The following BAIAP2 variants were observed in gnomAD, a reference collection of about 807,000 sequenced individuals.
The protein encoded by BAIAP2 is BAR/IMD domain-containing adapter protein 2.
A neutral mutation model predicts 63.0 loss-of-function variants in BAIAP2; 18 were observed. The observed-to-expected ratio is 0.29, with a 90% confidence interval of 0.20 to 0.42. The LOEUF (loss-of-function observed/expected upper bound fraction) is 0.42, where lower values mean the gene tolerates loss of function less well. Among genes scored for constraint, BAIAP2 ranks in the 10% least tolerant of loss-of-function variants. BAIAP2 has a pLI of 1.00. For synonymous variants in BAIAP2, 386 were observed against 307.6 expected, an observed-to-expected ratio of 1.25 and a Z score of -2.67; for missense variants, 610 against 734.3, an observed-to-expected ratio of 0.83 and a Z score of 1.96.
chr17:81,048,416 G>A lies in BAIAP2; in HGVS notation c.55-5252G>A, dbSNP rs74532489. ...GCAGACGGAAGGTGGACCCCAGCAC[G>A]GCCCAGGAGTGGGCAGGAGAGCAAA... On this transcript the variant is annotated intron_variant, in intron 1 of 13. Transcript: ENST00000428708. Among the ~76,000 whole-genome samples the A allele has an allele frequency of 2.3e-3, 342 of 150,650 alleles. 1 individual carries two copies. The highest frequency in any genetic ancestry group is 7.7e-3 in the African/African-American group (316 of 41,094).
At chr17:81,111,368 T>TTGGGGCTGACAGCCTTG (rs1158120447) in intron 13 of BAIAP2, among the ~76,000 whole-genome samples, 32 of 152,326 alleles carry the variant, frequency 2.1e-4, no homozygotes, top group Admixed American at 2.6e-4. Flanking sequence ...GTGTGTGCCT[T>TTGGGGCTGACAGCCTTG]TGGGGCTGAC....
chr17:81,079,269 G>A (rs926710461), intron 3 of BAIAP2, among the ~76,000 whole-genome samples: 15 of 152,302 alleles, frequency 9.8e-5, no homozygotes, highest in Middle Eastern at 3.4e-3. Flanking sequence ...GTCCACAGGA[G>A]GCTGGGCTCC....
chr17:81,058,535 C>A (rs2050011752), intron 3 of BAIAP2, among the ~76,000 whole-genome samples: 1 of 152,206 alleles, frequency 6.6e-6, no homozygotes, highest in Non-Finnish European at 1.5e-5. Flanking sequence ...AGACGGAGTC[C>A]ATGCTTCCAC....
intron 1 of BAIAP2, among the ~76,000 whole-genome samples, chr17:81,052,836 T>G (rs879858353): frequency 1.3e-5 from 2 of 152,160 alleles, no homozygotes; most frequent in Admixed American, 6.5e-5. Context: ...GCTGGGCGGC[T>G]TCCCTTCCTG....
In BAIAP2 at chr17:81,052,750, C is replaced by T. The variant is rs540912341; in HGVS notation, c.55-918C>T. Among the ~76,000 whole-genome samples the T allele has an allele frequency of 8.9e-4, 135 of 152,304 alleles. 1 individual carries two copies. In the Middle Eastern group the frequency reaches 0.02, roughly 23 times the overall value. On this transcript the variant is annotated intron_variant, in intron 1 of 13. Coordinates refer to ENST00000428708, the MANE Select transcript of BAIAP2 (RefSeq NM_001144888.2). ...GGGGGTGGGGGATGCAGTTGCCCTTCCCTCCCCACTCTCTAGCCCACAGGT... is the reference window on the plus strand; with the variant it reads ...GGGGGTGGGGGATGCAGTTGCCCTTTCCTCCCCACTCTCTAGCCCACAGGT...
chr17:81,068,250 T>C (rs1351433505), intron 3 of BAIAP2, among the ~76,000 whole-genome samples: 1 of 152,152 alleles, frequency 6.6e-6, no homozygotes. Flanking sequence ...TGAGAAACTC[T>C]CTCCCAGGAG....
chr17:81,110,764 C>A (rs1598847360), intron 13 of BAIAP2: 1 of 1,243,556 alleles, frequency 8.0e-7, no homozygotes. Flanking sequence ...AGGCGCCGTC[C>A]AGGGAGAGCC....
rs1230578623 is a variant in BAIAP2 at position 81,035,284 on chromosome 17, C to G, written c.30C>G (p.His10Gln). The G allele has an allele frequency of 1.3e-6, 2 of 1,515,794 alleles. No individual in the cohort carries two copies. The highest frequency in any genetic ancestry group is 3.9e-5 in the Admixed American group (2 of 51,430). 93.9% of individuals were successfully genotyped at this position (1,515,794 alleles called of 1,614,324 possible). A position where few individuals can be genotyped will look rare whatever the true frequency, so the allele number is the denominator to read the frequency against. MSLSRSEEM[H>Q]RLTENVYKTI... ...CTCTGTCTCGCTCAGAGGAGATGCA[C>G]CGGCTCACGGAAAATGTCTATAAGG... The change falls in exon 1 of 14, where the codon CAC (histidine) becomes CAG (glutamine). Residue 10 changes from histidine to glutamine, a missense_variant. Transcript: ENST00000428708.
At chr17:81,044,641 G>C (rs1050869753) in intron 1 of BAIAP2, among the ~76,000 whole-genome samples, 1 of 152,246 alleles carries the variant, frequency 6.6e-6, no homozygotes, top group Non-Finnish European at 1.5e-5. Flanking sequence ...CCGTGACGGA[G>C]TGCAGTAGCT....
At chr17:81,084,948 T>C in intron 4 of BAIAP2, 55 bp downstream of exon 4, 2 of 1,563,144 alleles carry the variant, frequency 1.3e-6, no homozygotes, top group Non-Finnish European at 1.8e-6. Context: ...ACGGGAGAGC[T>C]GGCGCCACAC....
chr17:81,111,188 G>A (rs1463591563), intron 13 of BAIAP2, among the ~76,000 whole-genome samples: 2 of 152,214 alleles, frequency 1.3e-5, no homozygotes, highest in African/African-American at 4.8e-5. Flanking sequence ...CTGGCTGGCT[G>A]TGCCCGGGGC....
At chr17:81,100,908 T>A (rs1254232457) in intron 7 of BAIAP2, among the ~76,000 whole-genome samples, 1 of 152,146 alleles carries the variant, frequency 6.6e-6, no homozygotes, top group Non-Finnish European at 1.5e-5. Context: ...CCTGAGCCAC[T>A]GTGGTCCCAG....
intron 1 of BAIAP2, among the ~76,000 whole-genome samples, chr17:81,039,351 C>T (rs544029133): frequency 6.6e-5 from 10 of 152,356 alleles, no homozygotes; most frequent in African/African-American, 1.4e-4. Flanking sequence ...GCTTGCTCAG[C>T]GTCCCATGCC....
rs530881275 is a variant in BAIAP2 at position 81,044,708 on chromosome 17, G to A, written c.55-8960G>A. Among the ~76,000 whole-genome samples, 6 of 152,340 alleles carry A rather than the reference G, an allele frequency of 3.9e-5. No individual in the cohort carries two copies. In the East Asian group the frequency reaches 1.2e-3, roughly 29 times the overall value. ...GAGGTGACCACCTGTCTGTCTTCAG[G>A]CTGATTGTATTACGAGCCTATGATG... On this transcript the variant is annotated intron_variant, in intron 1 of 13. Coordinates refer to ENST00000428708, the MANE Select transcript of BAIAP2 (RefSeq NM_001144888.2).
chr17:81,115,531 G>A (rs1424657647), intron 13 of BAIAP2, among the ~76,000 whole-genome samples: 2 of 152,168 alleles, frequency 1.3e-5, no homozygotes, highest in African/African-American at 4.8e-5. Flanking sequence ...ATGGATCGGG[G>A]TGGGGGCACC....
intron 7 of BAIAP2, among the ~76,000 whole-genome samples, chr17:81,103,053 G>C (rs2058704647): frequency 1.3e-5 from 2 of 152,218 alleles, no homozygotes. Flanking sequence ...TTGGAGCAGT[G>C]AGCCTCAGTG....
chr17:81,039,589 A>G (rs888364629), intron 1 of BAIAP2, among the ~76,000 whole-genome samples: 1 of 152,140 alleles, frequency 6.6e-6, no homozygotes, highest in African/African-American at 2.4e-5. Context: ...GGCTCGTGGT[A>G]CTGCCCGAGT....
chr17:81,107,068 A>G, intron 12 of BAIAP2, 161 bp downstream of exon 12: 2 of 879,354 alleles, frequency 2.3e-6, no homozygotes, highest in Non-Finnish European at 1.6e-6. Context: ...ATGTGTACAC[A>G]CCCCTGCTTC....
chr17:81,109,709 C>G (rs2059666063), intron 13 of BAIAP2: 1 of 985,290 alleles, frequency 1.0e-6, no homozygotes, highest in Non-Finnish European at 1.2e-6. Context: ...CAGCGCGGCA[C>G]AGTGGCCTCA....
Sources: allele counts gnomAD v4.1 joint callset (sites outside exome capture counted in the v4.1 genomes callset), GRCh38; gene constraint gnomAD v4.1.1; transcripts MANE v1.5; gene names NCBI Gene and HGNC (gene_info 2026-07-23, HGNC 2026-07-21).